The following TRANK1 variants were observed in gnomAD, a reference collection of about 807,000 sequenced individuals.
TRANK1 encodes the protein TPR and ankyrin repeat-containing protein 1.
Under a neutral mutation model 266.0 loss-of-function variants are expected in TRANK1, and 198 were observed. That is an observed-to-expected ratio of 0.74 (90% CI 0.66 to 0.84). The LOEUF is 0.84. Ranked by LOEUF, TRANK1 falls within the 40% of genes least tolerant of loss-of-function variation. The pLI, the probability that TRANK1 is intolerant of heterozygous loss-of-function variation, is 0.00. For missense variants in TRANK1, 3,326 were observed against 3,634.6 expected (o/e 0.92, Z 2.18); for synonymous variants, 1,396 against 1,384.1 (o/e 1.01, Z -0.19).
chr3:36,875,906 T>G (rs2079381703), intron 8 of TRANK1, among the ~76,000 whole-genome samples: 1 of 152,232 alleles, frequency 6.6e-6, no homozygotes, highest in Non-Finnish European at 1.5e-5. Context: ...ACAGAAATGT[T>G]GGGAGGACGT....
chr3:36,829,766 T>C (rs910055853), intron 22 of TRANK1, 104 bp from the exon 23 acceptor site: 10 of 1,237,282 alleles, frequency 8.1e-6, no homozygotes, highest in Non-Finnish European at 1.0e-5. Flanking sequence ...CTGGTCTCTA[T>C]GTTTTCCCTG....
chr3:36,934,432 C>T (rs546218278), intron 1 of TRANK1, among the ~76,000 whole-genome samples: 51 of 152,316 alleles, frequency 3.3e-4, no homozygotes, highest in Admixed American at 1.2e-3. Context: ...AGGAACTTTC[C>T]TCCTTCTGTC....
chr3:36,932,636 A>C (rs1183518002), intron 1 of TRANK1, among the ~76,000 whole-genome samples: 1 of 152,244 alleles, frequency 6.6e-6, no homozygotes, highest in East Asian at 1.9e-4. Flanking sequence ...ATTAAAGTGA[A>C]TAAAGCAAAC....
At chr3:36,830,761 C>G in intron 22 of TRANK1, 112 bp downstream of exon 22, 1 of 1,235,520 alleles carries the variant, frequency 8.1e-7, no homozygotes, top group South Asian at 1.6e-5. Context: ...CTTCTAAGGC[C>G]AAGATTCCAC....
chr3:36,834,109 A>G (rs890123632), intron 21 of TRANK1, among the ~76,000 whole-genome samples, 190 bp from the exon 22 acceptor site: 1 of 152,248 alleles, frequency 6.6e-6, no homozygotes. Flanking sequence ...GTATAATAAT[A>G]ATGAATAAAT....
At chr3:36,861,937 C>A (rs887891539) in intron 10 of TRANK1, among the ~76,000 whole-genome samples, 3 of 152,092 alleles carry the variant, frequency 2.0e-5, no homozygotes, top group Non-Finnish European at 2.9e-5. Context: ...GATCTCCTGA[C>A]CTCGTGATCT....
At chr3:36,934,180 T>C (rs2080394493) in intron 1 of TRANK1, among the ~76,000 whole-genome samples, 1 of 152,212 alleles carries the variant, frequency 6.6e-6, no homozygotes, top group Admixed American at 6.5e-5. Context: ...TCCTGGGAGT[T>C]TCTTAACTAG....
In TRANK1 at chr3:36,856,378, A is replaced by G. The variant is rs1559431006; in HGVS notation, c.3344T>C (p.Leu1115Pro). The change falls in exon 13 of 24, where the codon CTG becomes CCG. Residue 1115 changes from leucine (L) to proline (P), a missense_variant. Coordinates refer to ENST00000645898, the MANE Select transcript of TRANK1 (RefSeq NM_001329998.2). ...GGGTTCCACTTCCAACCTTCTCTTC[A>G]GCCAGACCTGTTTGGCCAGCAATGG... ...GSPLLAKQVW[L>P]KRRLEVEPGK... 6.3e-7 allele frequency: 1 copy of G among 1,593,378 alleles called. No individual in the cohort carries two copies.
At chr3:36,848,975 A>G (rs193063753) in intron 15 of TRANK1, among the ~76,000 whole-genome samples, 1 of 152,176 alleles carries the variant, frequency 6.6e-6, no homozygotes, top group Non-Finnish European at 1.5e-5. Context: ...CATGAATCAA[A>G]CATATTTTAT....
intron 1 of TRANK1, among the ~76,000 whole-genome samples, chr3:36,915,361 T>C (rs1422721457): frequency 6.6e-6 from 1 of 152,220 alleles, no homozygotes; most frequent in Non-Finnish European, 1.5e-5. Context: ...ATATCCATCA[T>C]CTCAAACATT....
At chr3:36,936,121 A>G (rs2125668478) in intron 1 of TRANK1, among the ~76,000 whole-genome samples, 1 of 152,334 alleles carries the variant, frequency 6.6e-6, no homozygotes. Flanking sequence ...GCTAAAAGCT[A>G]AGAACAATCC....
At chr3:36,944,707 C>T in intron 1 of TRANK1, 80 bp downstream of exon 1, 2 of 1,473,414 alleles carry the variant, frequency 1.4e-6, no homozygotes, top group Admixed American at 2.1e-5. Flanking sequence ...CCAGTCCCCG[C>T]GCGCGGCCGC....
Position 36,932,576 on chromosome 3 carries a change from C to T in TRANK1, c.23+12211G>A, listed in dbSNP as rs542796253. On this transcript the variant is annotated intron_variant, in intron 1 of 23. Transcript: ENST00000645898. ...AAACTCCAACTCAAACAAACAAACA[C>T]GCACACACAAAAAGTATGAGTTAGA... is the stretch of plus-strand genomic sequence containing the variant. Among the ~76,000 whole-genome samples, 42 of 152,274 alleles carry T rather than the reference C, an allele frequency of 2.8e-4. No individual in the cohort carries two copies. The South Asian group carries it at 8.5e-3, about 31-fold the overall frequency.
At chr3:36,910,193 G>T (rs113587463) in intron 1 of TRANK1, among the ~76,000 whole-genome samples, 1,630 of 152,208 alleles carry the variant, frequency 0.011, 30 homozygotes, top group African/African-American at 0.037. Context: ...GGGTAAATAG[G>T]ATCACCCTCA....
chr3:36,940,915 C>T (rs1253099111), intron 1 of TRANK1, among the ~76,000 whole-genome samples: 3 of 152,112 alleles, frequency 2.0e-5, no homozygotes, highest in African/African-American at 7.2e-5. Context: ...TAGTACCTGG[C>T]CAATGAGTTC....
intron 1 of TRANK1, among the ~76,000 whole-genome samples, chr3:36,914,677 A>C (rs2080101090): frequency 6.6e-6 from 1 of 151,396 alleles, no homozygotes; most frequent in African/African-American, 2.4e-5. Flanking sequence ...CACTCTTGTC[A>C]CCCAGGCTGG....
intron 1 of TRANK1, among the ~76,000 whole-genome samples, chr3:36,931,752 C>T (rs1266817902): frequency 6.6e-6 from 1 of 151,898 alleles, no homozygotes; most frequent in African/African-American, 2.4e-5. Flanking sequence ...CTTATATATG[C>T]ATAAAGAAAT....
At chr3:36,934,345 C>G (rs1275751079) in intron 1 of TRANK1, among the ~76,000 whole-genome samples, 2 of 152,234 alleles carry the variant, frequency 1.3e-5, no homozygotes, top group Non-Finnish European at 2.9e-5. Flanking sequence ...GGGGCTCCTA[C>G]AGCCCCCAAA....
chr3:36,901,920 T>C (rs1338285134), intron 3 of TRANK1, among the ~76,000 whole-genome samples: 1 of 152,122 alleles, frequency 6.6e-6, no homozygotes, highest in Non-Finnish European at 1.5e-5. Flanking sequence ...ATTAATACTG[T>C]CCCAGCGAGA....
Sources: gnomAD v4.1 joint callset for allele counts (sites outside exome capture counted in the v4.1 genomes callset) on GRCh38, gnomAD v4.1.1 for gene constraint, MANE v1.5 for transcripts, NCBI Gene and HGNC (gene_info 2026-07-23, HGNC 2026-07-21) for gene names.